Variants in CCDC192 observed in about 807,000 individuals in gnomAD.
CCDC192 encodes coiled-coil domain-containing protein 192.
In CCDC192 at chr5:127,808,489, C is replaced by T. The variant is rs577272427; in HGVS notation, c.411+10327C>T. 3.8e-3 allele frequency among the ~76,000 whole-genome samples: 581 copies of T among 152,140 alleles called. 5 individuals are homozygous for T. Among genetic ancestry groups the T allele is most frequent in the Non-Finnish European group, 7.0e-3 (474 of 67,992 alleles). ...CAGTTACATAATTCTCACTTAAAACCCTCAGTGGCTGCCCATAGGTCTCCT... is the reference window on the plus strand; with the variant it reads ...CAGTTACATAATTCTCACTTAAAACTCTCAGTGGCTGCCCATAGGTCTCCT... On this transcript the variant is annotated intron_variant, in intron 5 of 6. Transcript: ENST00000514853.
chr5:127,760,881 A>G (rs1450366017), intron 3 of CCDC192, among the ~76,000 whole-genome samples: 1 of 152,144 alleles, frequency 6.6e-6, no homozygotes, highest in Non-Finnish European at 1.5e-5. Context: ...GAGTCGTATG[A>G]TGAGACTCCT....
At chr5:127,908,824 A>AT (rs1248834202) in intron 6 of CCDC192, among the ~76,000 whole-genome samples, 1 of 152,200 alleles carries the variant, frequency 6.6e-6, no homozygotes, top group Admixed American at 6.5e-5. Flanking sequence ...CCAAGTTGAG[A>AT]TTTTTAAGCT....
At chr5:127,764,877 G>C (rs1755132616) in intron 3 of CCDC192, among the ~76,000 whole-genome samples, 1 of 152,192 alleles carries the variant, frequency 6.6e-6, no homozygotes, top group South Asian at 2.1e-4. Flanking sequence ...CCATTTCCTG[G>C]AAATAGGTTT....
chr5:127,774,710 T>C (rs963655424), intron 3 of CCDC192, among the ~76,000 whole-genome samples: 5 of 152,222 alleles, frequency 3.3e-5, no homozygotes, highest in African/African-American at 4.8e-5. Flanking sequence ...TTTCTTCTTT[T>C]ACAAGATACC....
chr5:127,814,228 T>C (rs28541593), intron 5 of CCDC192, among the ~76,000 whole-genome samples: 3,134 of 152,218 alleles, frequency 0.021, 115 homozygotes, highest in African/African-American at 0.072. Context: ...AGAAGTTCAG[T>C]AGAGGGAATA....
At chr5:127,919,269 G>C (rs1304219703) in intron 6 of CCDC192, among the ~76,000 whole-genome samples, 1 of 152,102 alleles carries the variant, frequency 6.6e-6, no homozygotes, top group East Asian at 1.9e-4. Flanking sequence ...AATATCTGAA[G>C]AGTTCTTTGA....
chr5:127,730,077 C>T (rs1752556128), intron 2 of CCDC192, among the ~76,000 whole-genome samples: 1 of 152,034 alleles, frequency 6.6e-6, no homozygotes, highest in Non-Finnish European at 1.5e-5. Context: ...ATCAATTAAT[C>T]CAGGACCTGC....
At chr5:127,769,025 G>A (rs548176529) in intron 3 of CCDC192, among the ~76,000 whole-genome samples, 5 of 152,300 alleles carry the variant, frequency 3.3e-5, no homozygotes, top group African/African-American at 1.2e-4. Flanking sequence ...AGCTCTACAA[G>A]GTCTGGCAAG....
intron 5 of CCDC192, among the ~76,000 whole-genome samples, chr5:127,844,672 T>C (rs1014692083): frequency 6.6e-6 from 1 of 152,154 alleles, no homozygotes; most frequent in Admixed American, 6.5e-5. Context: ...GTGAGATATT[T>C]TGGGGACGCA....
intron 5 of CCDC192, among the ~76,000 whole-genome samples, chr5:127,872,820 C>T (rs972114836): frequency 2.6e-5 from 4 of 152,130 alleles, no homozygotes; most frequent in African/African-American, 9.7e-5. Context: ...TGCATGACTG[C>T]CCTGTATGCT....
intron 6 of CCDC192, among the ~76,000 whole-genome samples, chr5:127,904,453 A>G (rs1028651480): frequency 2.0e-5 from 3 of 151,096 alleles, no homozygotes; most frequent in Non-Finnish European, 4.4e-5. Context: ...TGTACAGACC[A>G]CTTAGAACTG....
chr5:127,756,991 A>G (rs1268418839), intron 3 of CCDC192, among the ~76,000 whole-genome samples: 1 of 152,214 alleles, frequency 6.6e-6, no homozygotes, highest in Non-Finnish European at 1.5e-5. Flanking sequence ...AAACAATTAG[A>G]TGTATTTATT....
intron 6 of CCDC192, among the ~76,000 whole-genome samples, chr5:127,903,776 A>G (rs1339502002): frequency 1.3e-5 from 2 of 152,228 alleles, no homozygotes; most frequent in African/African-American, 4.8e-5. Flanking sequence ...ATTTGAGCCA[A>G]TAATTTTTAA....
At chr5:127,941,031 G>A (rs1014227203) in intron 6 of CCDC192, 151 bp from the exon 7 acceptor site, 3 of 396,074 alleles carry the variant, frequency 7.6e-6, no homozygotes, top group African/African-American at 6.2e-5. Context: ...ACTGGATCCA[G>A]ATTTTATTCT....
intron 3 of CCDC192, among the ~76,000 whole-genome samples, chr5:127,762,547 G>T (rs1196082077): frequency 7.2e-5 from 11 of 152,210 alleles, no homozygotes; most frequent in Non-Finnish European, 1.6e-4. Context: ...CAAACACAAT[G>T]ACAAATCGGC....
chr5:127,725,017 C>T (rs1373747437), intron 2 of CCDC192, among the ~76,000 whole-genome samples: 2 of 151,936 alleles, frequency 1.3e-5, no homozygotes, highest in Non-Finnish European at 2.9e-5. Context: ...AGGATAAAGG[C>T]ATAATAGAAA....
chr5:127,750,341 A>G (rs1486210453), intron 2 of CCDC192, among the ~76,000 whole-genome samples: 1 of 152,206 alleles, frequency 6.6e-6, no homozygotes, highest in Non-Finnish European at 1.5e-5. Flanking sequence ...TTCAAAGAAC[A>G]TCTTTATTTC....
intron 6 of CCDC192, among the ~76,000 whole-genome samples, chr5:127,886,379 A>AT (rs1175629592): frequency 6.6e-6 from 1 of 152,158 alleles, no homozygotes; most frequent in Non-Finnish European, 1.5e-5. Context: ...CTGAACTTGT[A>AT]TTATTATACA....
At chr5:127,875,465 ATCAT>A (rs1292162499) in intron 5 of CCDC192, 69 bp from the exon 6 acceptor site, 1 of 395,820 alleles carries the variant, frequency 2.5e-6, no homozygotes, top group African/African-American at 2.1e-5. Context: ...TTGTTCAGAC[ATCAT>A]TCATTCCTTT....
Sources: gnomAD v4.1 joint callset for allele counts (sites outside exome capture counted in the v4.1 genomes callset) on GRCh38, gnomAD v4.1.1 for gene constraint, MANE v1.5 for transcripts, NCBI Gene and HGNC (gene_info 2026-07-23, HGNC 2026-07-21) for gene names.